Variants in LRP8 observed in about 807,000 individuals in gnomAD.
LRP8 encodes the protein low-density lipoprotein receptor-related protein 8.
Under a neutral mutation model 111.6 loss-of-function variants are expected in LRP8, and 46 were observed. The ratio of observed to expected loss-of-function variants is 0.41; its 90% CI spans 0.33 to 0.53. The LOEUF (loss-of-function observed/expected upper bound fraction) is 0.53. Among genes scored for constraint, LRP8 ranks in the 20% least tolerant of loss-of-function variants. LRP8 has a pLI of 0.20. For synonymous variants in LRP8, 464 were observed against 511.2 expected, an observed-to-expected ratio of 0.91 and a Z score of 1.24; for missense variants, 959 against 1,297.4, an observed-to-expected ratio of 0.74 and a Z score of 4.01.
At chr1:53,308,076 C>A (rs909992086) in intron 2 of LRP8, among the ~76,000 whole-genome samples, 1 of 152,234 alleles carries the variant, frequency 6.6e-6, no homozygotes, top group Non-Finnish European at 1.5e-5. Flanking sequence ...GGATGCAGGG[C>A]GCTCAGTCCC....
At position 53,266,640 on chromosome 1, in the gene LRP8, C is replaced by T; in HGVS notation, c.1260G>A (p.Lys420=). 3.1e-6 allele frequency: 5 copies of T among 1,613,926 alleles called. No homozygotes were observed. Among genetic ancestry groups the T allele is most frequent in the Non-Finnish European group, 4.2e-6 (5 of 1,179,906 alleles). ...LTKNCKAAAG[K]SPSLIFTNRH... The stretch of plus-strand genomic sequence containing the variant: ...GGTTGGTGAAGATTAGGGATGGGCT[C>T]TTGCCAGCTGTCATGCAGGGAGGTT... Residue 420 remains lysine (K), a synonymous_variant, in exon 9 of 19, where the codon AAG becomes AAA. Coordinates refer to ENST00000306052, the MANE Select transcript of LRP8 (RefSeq NM_004631.5). This position sits in a 1 kb window ranked among gnomAD's most constrained non-coding sequence, Gnocchi z 5.0.
chr1:53,285,518 C>G (rs1647404970), intron 3 of LRP8, among the ~76,000 whole-genome samples: 2 of 152,204 alleles, frequency 1.3e-5, no homozygotes, highest in South Asian at 4.1e-4. Flanking sequence ...TGCACTCTGG[C>G]TCCCCTCATC....
intron 2 of LRP8, chr1:53,305,855 G>T (rs1226522987): frequency 6.6e-6 from 1 of 152,360 alleles, no homozygotes; most frequent in African/African-American, 2.4e-5. Context: ...CACAGGAGAG[G>T]CGCTGAGGAG....
chr1:53,300,976 A>G (rs1231308264), intron 2 of LRP8, among the ~76,000 whole-genome samples: 1 of 152,088 alleles, frequency 6.6e-6, no homozygotes, highest in African/African-American at 2.4e-5. Flanking sequence ...TGCCTGGGTT[A>G]CCTCACAAGG....
chr1:53,323,643 C>A (rs1296765318), intron 2 of LRP8, among the ~76,000 whole-genome samples: 1 of 152,244 alleles, frequency 6.6e-6, no homozygotes, highest in African/African-American at 2.4e-5. Context: ...GCCCCAGGAG[C>A]TTTTCCCTCT....
In LRP8 at chr1:53,257,460, A is replaced by G. The variant is rs1343615119; in HGVS notation, c.2214T>C (p.Pro738=). Reference sequence around the variant, plus strand: ...CTAACGTCGTAGTTGAGGTAGATTGAGGTGCTGGAGGGGAAATACCATGGA... The same window carrying G: ...CTAACGTCGTAGTTGAGGTAGATTGGGGTGCTGGAGGGGAAATACCATGGA... ...GPDMKRCYRA[P]QSTSTTTLAS... is the part of the protein sequence containing the mutation. Residue 738 remains proline (P), a synonymous_variant, in exon 15 of 19, where the codon CCT becomes CCC. Coordinates refer to ENST00000306052, the MANE Select transcript of LRP8 (RefSeq NM_004631.5). 1.9e-6 allele frequency: 3 copies of G among 1,613,432 alleles called. No individual in the cohort carries two copies. Among genetic ancestry groups the G allele is most frequent in the Non-Finnish European group, 2.5e-6 (3 of 1,179,618 alleles).
intron 2 of LRP8, among the ~76,000 whole-genome samples, chr1:53,318,535 T>C (rs1654097095): frequency 6.6e-6 from 1 of 152,152 alleles, no homozygotes; most frequent in Non-Finnish European, 1.5e-5. Flanking sequence ...CCTAAGAACT[T>C]ATCTTAAAGA....
chr1:53,327,796 G>T lies in LRP8; in HGVS notation c.117C>A (p.Gly39=), dbSNP rs1450670247. Residue 39 remains glycine (G), a synonymous_variant, in exon 1 of 19, where the codon GGC becomes GGA. Transcript: ENST00000306052. The part of the protein sequence containing the change: ...LAAAAADPLL[G]GQGPAKDCEK... ...GAGACCGGCTGCACGCACCTTGGCC[G>T]CCGAGCAGCGGATCAGCCGCTGCCG... 6.0e-6 allele frequency: 9 copies of T among 1,511,706 alleles called. No individual in the cohort carries two copies. In the East Asian group the frequency reaches 1.1e-4, roughly 18 times the overall value. The allele number at this position is 1,511,706 out of a possible 1,614,324, so 93.6% of individuals were successfully genotyped here.
chr1:53,258,754 T>TA (rs397763022), intron 13 of LRP8, among the ~76,000 whole-genome samples: 5 of 151,990 alleles, frequency 3.3e-5, no homozygotes, highest in African/African-American at 9.7e-5. Context: ...TTTTTTTTTT[T>TA]AAATCTCTAG....
At position 53,247,093 on chromosome 1, in the gene LRP8, A is replaced by G. The variant is rs777895810; in HGVS notation, c.2854-37T>C. The G allele has an allele frequency of 5.9e-6, 9 of 1,533,176 alleles. No homozygotes were observed. The East Asian group carries it at 1.4e-4, about 24-fold the overall frequency. 95.0% of individuals were successfully genotyped at this position (1,533,176 alleles called of 1,614,324 possible). A position where few individuals can be genotyped will look rare whatever the true frequency, so the allele number is the denominator to read the frequency against. ...AACCAAAGAATTCATCATTAGATCCATAAGAGTTACTATTTATTTAGTATT... is the reference window on the plus strand; with the variant it reads ...AACCAAAGAATTCATCATTAGATCCGTAAGAGTTACTATTTATTTAGTATT... On this transcript the variant is annotated intron_variant, in intron 18 of 18. Transcript: ENST00000306052.
chr1:53,281,720 T>A (rs1157211821), intron 3 of LRP8, among the ~76,000 whole-genome samples: 1 of 152,216 alleles, frequency 6.6e-6, no homozygotes, highest in Non-Finnish European at 1.5e-5. Context: ...AATCCTTATC[T>A]CTGTGCCAAT....
chr1:53,297,430 C>T (rs2100485640), intron 2 of LRP8, among the ~76,000 whole-genome samples: 1 of 152,284 alleles, frequency 6.6e-6, no homozygotes, highest in South Asian at 2.1e-4. Context: ...CAGTAGGGTG[C>T]AGGAGCCAGC....
intron 2 of LRP8, among the ~76,000 whole-genome samples, chr1:53,319,218 G>A (rs1654179457): frequency 6.6e-6 from 1 of 152,194 alleles, no homozygotes; most frequent in African/African-American, 2.4e-5. Context: ...ATTACGGCAG[G>A]TTGAGAGGGC....
In LRP8 at chr1:53,264,393, G is replaced by C; in HGVS notation, c.1431C>G (p.Ala477=). ...TCGGGTCACTGGCCTTGTCCATGTA[G>C]GCGCTTAAGAGAAAACAGAGATGAC... is the stretch of plus-strand genomic sequence containing the variant. ...CDLSYRKIYS[A]YMDKASDPKE... is the part of the protein sequence containing the mutation. The change falls in exon 10 of 19, where the codon GCC becomes GCG. Residue 477 remains alanine, a synonymous_variant. Transcript: ENST00000306052. The C allele has an allele frequency of 6.2e-7, 1 of 1,612,882 alleles. No homozygotes were observed. Among genetic ancestry groups the C allele is most frequent in the East Asian group, 2.2e-5 (1 of 44,860 alleles).
chr1:53,261,301 C>T (rs1646329427), intron 12 of LRP8, among the ~76,000 whole-genome samples: 1 of 152,220 alleles, frequency 6.6e-6, no homozygotes, highest in South Asian at 2.1e-4. Flanking sequence ...TATAAACAAG[C>T]ACAAACACTT....
At position 53,253,165 on chromosome 1, in the gene LRP8, G is replaced by T. The variant is rs56355206; in HGVS notation, c.2503+1952C>A. Among the ~76,000 whole-genome samples, 425 of 152,144 alleles carry T rather than the reference G, an allele frequency of 2.8e-3. 1 individual carries two copies. Among genetic ancestry groups the T allele is most frequent in the African/African-American group, 9.9e-3 (411 of 41,526 alleles). On this transcript the variant is annotated intron_variant, in intron 16 of 18. Coordinates refer to ENST00000306052, the MANE Select transcript of LRP8 (RefSeq NM_004631.5). ...CTAAAAAAAAGTTTAAAGTAGAAAA[G>T]AAAAACATCAGGAGATATTTTAATA...
At chr1:53,254,840 A>ATT (rs1646021747) in intron 16 of LRP8, among the ~76,000 whole-genome samples, 5 of 152,170 alleles carry the variant, frequency 3.3e-5, no homozygotes, top group African/African-American at 1.2e-4. Flanking sequence ...GTTCCTAGGG[A>ATT]TCATACAGTC....
At chr1:53,258,561 G>C in intron 13 of LRP8, 90 bp from the exon 14 acceptor site, 1 of 1,199,372 alleles carries the variant, frequency 8.3e-7, no homozygotes, top group Non-Finnish European at 1.2e-6. Context: ...CACCTGGCTT[G>C]CTCAAAAAGC....
In LRP8 at chr1:53,255,166, C is replaced by T; in HGVS notation, c.2454G>A (p.Lys818=). 2 of 1,613,788 alleles carry T rather than the reference C, an allele frequency of 1.2e-6. No individual in the cohort carries two copies. Among genetic ancestry groups the T allele is most frequent in the Non-Finnish European group, 1.7e-6 (2 of 1,179,988 alleles). The stretch of plus-strand genomic sequence containing the variant: ...CAGCGGCAGTGACTGTTGAGCCCAT[C>T]TTACTGTCTTCATTTGCATCTGCAA... ...HSQHYANEDS[K]MGSTVTAAVI... The change falls in exon 16 of 19, where the codon AAG becomes AAA. Residue 818 remains lysine, a synonymous_variant. Transcript: ENST00000306052.
Sources: allele counts gnomAD v4.1 joint callset (sites outside exome capture counted in the v4.1 genomes callset), GRCh38; gene constraint gnomAD v4.1.1; non-coding constraint Gnocchi (gnomAD v3.1); transcripts MANE v1.5; gene names NCBI Gene and HGNC (gene_info 2026-07-23, HGNC 2026-07-21).